STK32B: variants seen among roughly 807,000 people sequenced by gnomAD.
STK32B encodes serine/threonine-protein kinase 32B.
STK32B carries 43 observed loss-of-function variants against 52.6 expected under a neutral mutation model. The observed-to-expected ratio is 0.82, with a 90% confidence interval of 0.64 to 1.05. The LOEUF (loss-of-function observed/expected upper bound fraction) is 1.05, where lower values mean the gene tolerates loss of function less well. Among genes scored for constraint, STK32B ranks in the 50% least tolerant of loss-of-function variants. The pLI, the probability that STK32B is intolerant of heterozygous loss-of-function variation, is 0.00. For synonymous variants in STK32B, 238 were observed against 204.3 expected (o/e 1.17, Z -1.41); for missense variants, 621 against 534.6 (o/e 1.16, Z -1.59).
chr4:5,487,535 T>C (rs567528201), intron 11 of STK32B, among the ~76,000 whole-genome samples: 18 of 152,240 alleles, frequency 1.2e-4, no homozygotes, highest in African/African-American at 3.1e-4. Flanking sequence ...GGGTGAGACG[T>C]GTTGTAGCCA....
rs1157381135 is a variant in STK32B at position 5,398,957 on chromosome 4, A to G, written c.472+713A>G. The stretch of plus-strand genomic sequence containing the variant: ...CCAGAATTACCTGGGGGACCTGGTA[A>G]AAATCAGAGGTCAGGCCCGGTCCTG... On this transcript the variant is annotated intron_variant, in intron 5 of 11. Coordinates refer to ENST00000282908, the MANE Select transcript of STK32B (RefSeq NM_018401.3). The surrounding 1 kb of genome is among the most constrained non-coding windows in gnomAD (Gnocchi z 4.9). Among the ~76,000 whole-genome samples the G allele has an allele frequency of 1.3e-5, 2 of 152,192 alleles. No individual in the cohort carries two copies. Among genetic ancestry groups the G allele is most frequent in the African/African-American group, 4.8e-5 (2 of 41,456 alleles).
At chr4:5,303,008 A>G (rs538943985) in intron 3 of STK32B, among the ~76,000 whole-genome samples, 40 of 151,436 alleles carry the variant, frequency 2.6e-4, no homozygotes, top group Non-Finnish European at 5.6e-4. Flanking sequence ...TTGTGTGTGT[A>G]TATATATGTA....
At chr4:5,490,444 G>A (rs553860045) in intron 11 of STK32B, among the ~76,000 whole-genome samples, 1 of 152,174 alleles carries the variant, frequency 6.6e-6, no homozygotes, top group South Asian at 2.1e-4. Context: ...ACCAAATTTG[G>A]GGTAAGGCAG....
At chr4:5,099,093 G>T (rs1055345275) in intron 1 of STK32B, among the ~76,000 whole-genome samples, 2 of 152,150 alleles carry the variant, frequency 1.3e-5, no homozygotes, top group Non-Finnish European at 2.9e-5. Context: ...CTATTCATTG[G>T]TTTTTCCAGT....
intron 3 of STK32B, among the ~76,000 whole-genome samples, chr4:5,259,520 C>T (rs190272849): frequency 6.6e-6 from 1 of 152,216 alleles, no homozygotes; most frequent in Admixed American, 6.5e-5. Flanking sequence ...CCCTCATTCT[C>T]TCTTTATAAA....
At chr4:5,062,664 A>G (rs548005562) in intron 1 of STK32B, among the ~76,000 whole-genome samples, 2 of 152,134 alleles carry the variant, frequency 1.3e-5, no homozygotes, top group African/African-American at 2.4e-5. Context: ...ACCTGCCACC[A>G]TGCCCCGCTA....
At chr4:5,350,942 A>G (rs960427765) in intron 4 of STK32B, among the ~76,000 whole-genome samples, 7 of 152,106 alleles carry the variant, frequency 4.6e-5, no homozygotes, top group South Asian at 2.1e-4. Context: ...TATGCACCCA[A>G]TGGTGGAGCA....
chr4:5,393,704 C>T (rs996205214), intron 4 of STK32B, among the ~76,000 whole-genome samples: 2 of 152,104 alleles, frequency 1.3e-5, no homozygotes, highest in Non-Finnish European at 2.9e-5. Context: ...GGAGAAACCA[C>T]CCCCATGATC....
intron 3 of STK32B, among the ~76,000 whole-genome samples, chr4:5,205,041 C>T (rs901242341): frequency 3.9e-5 from 6 of 152,196 alleles, no homozygotes; most frequent in African/African-American, 1.2e-4. Context: ...ATCATCTAAT[C>T]CCTGGAGGGC....
chr4:5,140,082 T>C (rs1453226152), intron 2 of STK32B, 122 bp downstream of exon 2: 1 of 1,475,452 alleles, frequency 6.8e-7, no homozygotes, highest in Non-Finnish European at 9.4e-7. Flanking sequence ...TTGACAAACT[T>C]GAAATGTGAA....
At chr4:5,304,393 T>C (rs1402997482) in intron 3 of STK32B, among the ~76,000 whole-genome samples, 1 of 151,568 alleles carries the variant, frequency 6.6e-6, no homozygotes, top group African/African-American at 2.4e-5. Context: ...TTTCAGCTCC[T>C]TGGTTAGGTA....
At chr4:5,023,544 C>G in the STK32B span, among the ~76,000 whole-genome samples, 1 of 152,180 alleles carries the variant, frequency 6.6e-6, no homozygotes. Context: ...CCTTCAAATC[C>G]TGTACCTTCT....
chr4:5,266,939 T>C (rs936168145), intron 3 of STK32B, among the ~76,000 whole-genome samples: 3 of 152,118 alleles, frequency 2.0e-5, no homozygotes, highest in Admixed American at 2.0e-4. Context: ...ATCATATACT[T>C]TAAAATATAT....
intron 3 of STK32B, among the ~76,000 whole-genome samples, chr4:5,240,693 C>T (rs1434547796): frequency 2.0e-5 from 3 of 152,114 alleles, no homozygotes; most frequent in Admixed American, 1.3e-4. Flanking sequence ...CTCCTGACCT[C>T]GGGTGATCCA....
chr4:5,222,672 CA>C (rs1209614472), intron 3 of STK32B, among the ~76,000 whole-genome samples: 5 of 152,256 alleles, frequency 3.3e-5, no homozygotes, highest in Non-Finnish European at 4.4e-5. Flanking sequence ...CTCTAAGCAT[CA>C]AAGTGTTCAG....
At chr4:5,197,994 C>A (rs1721824236) in intron 3 of STK32B, among the ~76,000 whole-genome samples, 1 of 151,840 alleles carries the variant, frequency 6.6e-6, no homozygotes, top group Non-Finnish European at 1.5e-5. Context: ...TTAGAATTCA[C>A]TGCATTTTTT....
intron 6 of STK32B, among the ~76,000 whole-genome samples, chr4:5,443,915 T>G (rs1473342731): frequency 2.6e-5 from 4 of 152,192 alleles, no homozygotes; most frequent in Admixed American, 6.5e-5. Context: ...GGCTGCTCGG[T>G]GGTCAGGGGT....
At chr4:5,149,697 A>G (rs1254696843) in intron 2 of STK32B, among the ~76,000 whole-genome samples, 2 of 151,872 alleles carry the variant, frequency 1.3e-5, no homozygotes, top group East Asian at 3.8e-4. Flanking sequence ...CTCTAATACA[A>G]TGTTATAGTT....
intron 7 of STK32B, among the ~76,000 whole-genome samples, chr4:5,450,672 T>C (rs751250923): frequency 2.0e-5 from 3 of 152,212 alleles, no homozygotes; most frequent in Admixed American, 6.5e-5. Flanking sequence ...CCGTTTGTAT[T>C]AACAAGAAGA....
Sources: allele counts gnomAD v4.1 joint callset (sites outside exome capture counted in the v4.1 genomes callset), GRCh38; gene constraint gnomAD v4.1.1; non-coding constraint Gnocchi (gnomAD v3.1); transcripts MANE v1.5; gene names NCBI Gene and HGNC (gene_info 2026-07-23, HGNC 2026-07-21).